Variants in SYNPR observed in about 807,000 individuals in gnomAD.
SYNPR encodes synaptoporin.
A neutral mutation model predicts 32.9 loss-of-function variants in SYNPR; 23 were observed. The ratio of observed to expected loss-of-function variants is 0.70; its 90% confidence interval spans 0.50 to 0.99. The LOEUF is 0.99. Among genes scored for constraint, SYNPR ranks in the 50% least tolerant of loss-of-function variants. The pLI is 0.00. For synonymous variants in SYNPR, 146 were observed against 135.9 expected, an observed-to-expected ratio of 1.07 and a Z score of -0.52; for missense variants, 318 against 349.3, an observed-to-expected ratio of 0.91 and a Z score of 0.71.
intron 2 of SYNPR, among the ~76,000 whole-genome samples, chr3:63,408,322 A>AGGAAAGAAAGAAAGAAAG (rs1291818189): frequency 1.8e-5 from 2 of 109,872 alleles, no homozygotes; most frequent in East Asian, 6.0e-4. Context: ...GAAGGAAGGA[A>AGGAAAGAAAGAAAGAAAG]AGAAAGAAAG....
chr3:63,454,276 A>G (rs909779137), intron 2 of SYNPR, among the ~76,000 whole-genome samples: 9 of 152,162 alleles, frequency 5.9e-5, no homozygotes, highest in East Asian at 1.9e-4. Context: ...GAAGAAACTT[A>G]CAGAAAAATT....
intron 4 of SYNPR, among the ~76,000 whole-genome samples, chr3:63,575,094 T>A (rs961879926): frequency 6.6e-6 from 1 of 152,008 alleles, no homozygotes; most frequent in South Asian, 2.1e-4. Context: ...AGCACCCGCA[T>A]TGAAGCAGGT....
chr3:63,605,827 T>A (rs1161655900), intron 4 of SYNPR, among the ~76,000 whole-genome samples: 1 of 152,232 alleles, frequency 6.6e-6, no homozygotes, highest in Non-Finnish European at 1.5e-5. Flanking sequence ...AAGCTACACA[T>A]GCTCTTGGTG....
intron 2 of SYNPR, among the ~76,000 whole-genome samples, chr3:63,341,381 T>C (rs990375413): frequency 2.6e-5 from 4 of 152,200 alleles, no homozygotes; most frequent in South Asian, 2.1e-4. Context: ...AGGGGTACAA[T>C]TGCTCGATCC....
chr3:63,582,191 T>G (rs561288702), intron 4 of SYNPR, among the ~76,000 whole-genome samples: 41 of 152,214 alleles, frequency 2.7e-4, no homozygotes, highest in African/African-American at 8.7e-4. Context: ...GGAATAATAT[T>G]ATGAGAAGCA....
At position 63,544,848 on chromosome 3, in the gene SYNPR, A is replaced by G. The variant is rs191263467; in HGVS notation, c.210-11695A>G. 2.8e-3 allele frequency among the ~76,000 whole-genome samples: 423 copies of G among 152,088 alleles called. 2 individuals are homozygous for G. Among genetic ancestry groups the G allele is most frequent in the African/African-American group, 9.9e-3 (409 of 41,494 alleles). On this transcript the variant is annotated intron_variant, in intron 3 of 5. Coordinates refer to ENST00000478300, the MANE Select transcript of SYNPR (RefSeq NM_001130003.2). ...ACATTCACGCACCATGACAAGTACA[A>G]TATACTCCATCATCTCATTCAAACT...
chr3:63,328,124 A>T (rs1014322129), intron 2 of SYNPR, among the ~76,000 whole-genome samples: 1 of 152,180 alleles, frequency 6.6e-6, no homozygotes, highest in Non-Finnish European at 1.5e-5. Flanking sequence ...GAAATTCTAC[A>T]AATCTCACAT....
At chr3:63,513,161 C>T (rs1211060460) in intron 3 of SYNPR, among the ~76,000 whole-genome samples, 1 of 143,270 alleles carries the variant, frequency 7.0e-6, no homozygotes, top group African/African-American at 2.6e-5. Flanking sequence ...CCCCTCCCCC[C>T]CACCCCCACA....
At chr3:63,420,087 C>T (rs1290652166) in intron 2 of SYNPR, among the ~76,000 whole-genome samples, 1 of 151,982 alleles carries the variant, frequency 6.6e-6, no homozygotes, top group African/African-American at 2.4e-5. Context: ...AGAAAAATGG[C>T]ATGATATAAC....
chr3:63,577,521 G>A (rs916436949), intron 4 of SYNPR, among the ~76,000 whole-genome samples: 1 of 152,066 alleles, frequency 6.6e-6, no homozygotes, highest in Non-Finnish European at 1.5e-5. Context: ...AAAAAATGTG[G>A]GCTTCTAGGG....
intron 2 of SYNPR, among the ~76,000 whole-genome samples, chr3:63,309,200 G>T (rs1392411470): frequency 1.3e-5 from 2 of 151,912 alleles, no homozygotes; most frequent in African/African-American, 4.8e-5. Flanking sequence ...TTGGGTTTTT[G>T]GTTGGTTGGT....
chr3:63,504,851 C>G (rs1287569022), intron 3 of SYNPR, among the ~76,000 whole-genome samples: 1 of 151,954 alleles, frequency 6.6e-6, no homozygotes, highest in Non-Finnish European at 1.5e-5. Context: ...ACTTATTACC[C>G]TTAAATGCAT....
At chr3:63,550,358 A>AAT (rs966271731) in intron 3 of SYNPR, among the ~76,000 whole-genome samples, 2 of 151,822 alleles carry the variant, frequency 1.3e-5, no homozygotes, top group African/African-American at 4.8e-5. Flanking sequence ...TAGATACACA[A>AAT]ATATATATAC....
chr3:63,204,580 C>T, the SYNPR span, among the ~76,000 whole-genome samples: 6 of 152,346 alleles, frequency 3.9e-5, no homozygotes, highest in East Asian at 9.6e-4. Flanking sequence ...AGTAACAACA[C>T]ATTTGCTCTC....
chr3:63,572,278 TCTCCTCCTC>T (rs67017853), intron 4 of SYNPR, among the ~76,000 whole-genome samples: 2 of 151,782 alleles, frequency 1.3e-5, no homozygotes, highest in South Asian at 2.1e-4. Context: ...TTCTTCTCCT[TCTCCTCCTC>T]CTCCTCCTCC....
chr3:63,202,672 T>G, the SYNPR span, among the ~76,000 whole-genome samples: 1 of 152,302 alleles, frequency 6.6e-6, no homozygotes, highest in African/African-American at 2.4e-5. Flanking sequence ...CCCAACTATG[T>G]TTGGTTTGGG....
chr3:63,576,484 C>T (rs1421871245), intron 4 of SYNPR, among the ~76,000 whole-genome samples: 2 of 152,020 alleles, frequency 1.3e-5, no homozygotes, highest in Non-Finnish European at 2.9e-5. Flanking sequence ...CCACAGTTTT[C>T]CATGCATAGA....
chr3:63,206,265 G>A, the SYNPR span, among the ~76,000 whole-genome samples: 1 of 152,152 alleles, frequency 6.6e-6, no homozygotes, highest in Non-Finnish European at 1.5e-5. Context: ...GGGGGGAAAG[G>A]CTCTGAAAAA....
chr3:63,431,743 A>G (rs1426968375), intron 2 of SYNPR, among the ~76,000 whole-genome samples: 1 of 150,934 alleles, frequency 6.6e-6, no homozygotes, highest in Non-Finnish European at 1.5e-5. Flanking sequence ...CCAACAAACG[A>G]AAAGAAAAAA....
Sources: allele counts gnomAD v4.1 joint callset (sites outside exome capture counted in the v4.1 genomes callset), GRCh38; gene constraint gnomAD v4.1.1; transcripts MANE v1.5; gene names NCBI Gene and HGNC (gene_info 2026-07-23, HGNC 2026-07-21).